Variants in ECHDC3 observed in about 807,000 individuals in gnomAD.
The protein encoded by ECHDC3 is enoyl-CoA hydratase domain-containing protein 3, mitochondrial.
In ECHDC3, 20 loss-of-function variants were observed where a neutral mutation model predicts 17.9. The observed-to-expected ratio is 1.12, with a 90% CI of 0.79 to 1.63. The LOEUF (loss-of-function observed/expected upper bound fraction) is 1.63. Ranked by LOEUF, ECHDC3 falls within the 40% of genes most tolerant of loss-of-function variation. The pLI, the probability that ECHDC3 is intolerant of heterozygous loss-of-function variation, is 0.00. For missense variants in ECHDC3, 407 were observed against 357.7 expected (o/e 1.14, Z -1.11); for synonymous variants, 177 against 149.7 (o/e 1.18, Z -1.33).
At chr10:11,753,162 G>A (rs1832845498) in intron 3 of ECHDC3, among the ~76,000 whole-genome samples, 1 of 152,106 alleles carries the variant, frequency 6.6e-6, no homozygotes, top group Non-Finnish European at 1.5e-5. Context: ...GAGTGGATCA[G>A]TTGAGGTGAG....
chr10:11,744,416 A>G (rs11257300), intron 1 of ECHDC3, among the ~76,000 whole-genome samples: 10,373 of 151,870 alleles, frequency 0.068, 469 homozygotes, highest in Middle Eastern at 0.18. Context: ...CCTTAGGTCA[A>G]CAGATATTGA....
At chr10:11,753,551 T>C (rs1564283867) in intron 3 of ECHDC3, among the ~76,000 whole-genome samples, 1 of 152,178 alleles carries the variant, frequency 6.6e-6, no homozygotes, top group Non-Finnish European at 1.5e-5. Context: ...TTCAGTTCCT[T>C]GGGTGGTGCA....
chr10:11,742,993 G>GT (rs1832714174), intron 1 of ECHDC3: 1 of 354,150 alleles, frequency 2.8e-6, no homozygotes, highest in Non-Finnish European at 5.0e-6. Context: ...CAGTCGCTGG[G>GT]CCTGCGGAGA....
At chr10:11,752,494 G>C (rs7920267) in intron 3 of ECHDC3, among the ~76,000 whole-genome samples, 1 of 151,920 alleles carries the variant, frequency 6.6e-6, no homozygotes, top group Non-Finnish European at 1.5e-5. Context: ...AAAGATTACC[G>C]ATGTCATACC....
intron 1 of ECHDC3, among the ~76,000 whole-genome samples, chr10:11,747,102 A>G (rs1156392123): frequency 1.3e-5 from 2 of 152,162 alleles, no homozygotes; most frequent in East Asian, 1.9e-4. Context: ...GACAGCAAAC[A>G]TGGAGAAAAA....
intron 3 of ECHDC3, among the ~76,000 whole-genome samples, chr10:11,750,255 C>T (rs932563928): frequency 6.6e-6 from 1 of 151,916 alleles, no homozygotes; most frequent in Non-Finnish European, 1.5e-5. Context: ...TGAAAATGTG[C>T]GTCTTTAGGG....
chr10:11,745,925 A>T lies in ECHDC3; in HGVS notation c.171-1424A>T, dbSNP rs1190805287. 3.9e-5 allele frequency among the ~76,000 whole-genome samples: 6 copies of T among 152,178 alleles called. No homozygotes were observed. The East Asian group carries it at 1.2e-3, about 29-fold the overall frequency. On this transcript the variant is annotated intron_variant, in intron 1 of 4. Transcript: ENST00000379215. ...TTGGACGCCAGCTTTTTGTGAGAGG[A>T]TATGTCCAGAAGAGCCCTCTTGCTG...
intron 1 of ECHDC3, among the ~76,000 whole-genome samples, chr10:11,745,346 C>T (rs766815185): frequency 1.3e-5 from 2 of 152,082 alleles, no homozygotes; most frequent in Non-Finnish European, 2.9e-5. Flanking sequence ...CATACGTCAC[C>T]GATGGGATGG....
intron 1 of ECHDC3, among the ~76,000 whole-genome samples, chr10:11,743,243 C>G (rs532209335): frequency 9.8e-5 from 15 of 152,324 alleles, no homozygotes; most frequent in African/African-American, 1.9e-4. Context: ...GGCCCTACCC[C>G]CTCCAGGCCT....
chr10:11,763,834 C>CT lies in ECHDC3; in HGVS notation c.*290_*291insT. On this transcript the variant is annotated 3_prime_UTR_variant, in exon 5 of 5. Transcript: ENST00000379215. This position sits in a 1 kb window ranked among gnomAD's most constrained non-coding sequence, Gnocchi z 4.9. ...TCCTTGCAACGTCTTAAGCAAGCGA[C>CT]CCCCCGACATAGCAAAAGGTGGCAA... 1 of 1,030,570 alleles carries CT rather than the reference C, an allele frequency of 9.7e-7. No homozygotes were observed. 63.8% of individuals were successfully genotyped at this position (1,030,570 alleles called of 1,614,324 possible). A position where few individuals can be genotyped will look rare whatever the true frequency, so the allele number is the denominator to read the frequency against.
intron 2 of ECHDC3, among the ~76,000 whole-genome samples, chr10:11,748,840 C>T (rs1309729882): frequency 6.6e-6 from 1 of 152,150 alleles, no homozygotes; most frequent in Non-Finnish European, 1.5e-5. Context: ...GAGCCGAGAT[C>T]GTGCCACTGC....
intron 4 of ECHDC3, among the ~76,000 whole-genome samples, chr10:11,758,933 C>T (rs977331979): frequency 6.6e-6 from 1 of 152,258 alleles, no homozygotes; most frequent in Non-Finnish European, 1.5e-5. Context: ...GGTCTCAATG[C>T]TGTGTCCTCC....
intron 1 of ECHDC3, among the ~76,000 whole-genome samples, chr10:11,746,561 C>T (rs1161298711): frequency 6.6e-6 from 1 of 152,046 alleles, no homozygotes; most frequent in African/African-American, 2.4e-5. Context: ...GTGATTATTG[C>T]GCATTGCTTG....
At chr10:11,746,328 C>A (rs1832759057) in intron 1 of ECHDC3, among the ~76,000 whole-genome samples, 1 of 93,386 alleles carries the variant, frequency 1.1e-5, no homozygotes, top group African/African-American at 4.2e-5. Flanking sequence ...AACTCCATCT[C>A]AAAAAAAAAA....
chr10:11,743,755 G>A (rs1164946182), intron 1 of ECHDC3, among the ~76,000 whole-genome samples: 1 of 152,246 alleles, frequency 6.6e-6, no homozygotes, highest in East Asian at 1.9e-4. Context: ...CCAGAGCAGG[G>A]CCCAGGCCAG....
intron 3 of ECHDC3, among the ~76,000 whole-genome samples, chr10:11,750,019 C>T (rs1233157057): frequency 6.6e-6 from 1 of 152,068 alleles, no homozygotes; most frequent in African/African-American, 2.4e-5. Context: ...TGGTCTCAAA[C>T]TCCTGACCTC....
chr10:11,763,455 G>A lies in ECHDC3; in HGVS notation c.823G>A (p.Val275Met). The A allele has an allele frequency of 1.1e-6, 1 of 937,960 alleles. No homozygotes were observed. Among genetic ancestry groups the A allele is most frequent in the Non-Finnish European group, 1.7e-6 (1 of 573,920 alleles). 58.1% of individuals were successfully genotyped at this position (937,960 alleles called of 1,614,324 possible). ...TAYYLTSQAM[V>M]DNLALRDGQE... ...TTACTACCTCACCTCCCAGGCCATG[G>A]TGGACAACCTGGCCCTGCGGGACGG... Residue 275 changes from valine (V) to methionine (M), a missense_variant, in exon 5 of 5, where the codon GTG becomes ATG. Physicochemically the swap from Val to Met is conservative, Grantham distance 21. Transcript: ENST00000379215. This position sits in a 1 kb window ranked among gnomAD's most constrained non-coding sequence, Gnocchi z 4.9.
intron 4 of ECHDC3, among the ~76,000 whole-genome samples, chr10:11,758,306 G>A (rs1832907106): frequency 6.6e-6 from 1 of 152,190 alleles, no homozygotes; most frequent in Non-Finnish European, 1.5e-5. Context: ...CAGCTGCTCC[G>A]TTCCCAGGCA....
chr10:11,763,081 G>A lies in ECHDC3; in HGVS notation c.592-143G>A. ...CTTGGAAAGATCCGCTCTCCTCCCG[G>A]GCAGGAGTTAGGGCACTGAAGACGT... On this transcript the variant is annotated intron_variant, in intron 4 of 4. Transcript: ENST00000379215. This position sits in a 1 kb window ranked among gnomAD's most constrained non-coding sequence, Gnocchi z 4.9. The A allele has an allele frequency of 1.7e-6, 1 of 603,656 alleles. No homozygotes were observed. The highest frequency in any genetic ancestry group is 2.8e-5 in the East Asian group (1 of 36,186). The allele number at this position is 603,656 out of a possible 1,614,324, so 37.4% of individuals were successfully genotyped here.
Sources: gnomAD v4.1 joint callset for allele counts (sites outside exome capture counted in the v4.1 genomes callset) on GRCh38, gnomAD v4.1.1 for gene constraint, Gnocchi (gnomAD v3.1) non-coding constraint, MANE v1.5 for transcripts, NCBI Gene and HGNC (gene_info 2026-07-23, HGNC 2026-07-21) for gene names.